STK10: variants seen among roughly 807,000 people sequenced by gnomAD.
The protein encoded by STK10 is serine/threonine-protein kinase 10.
STK10 carries 78 observed loss-of-function variants against 113.8 expected under a neutral mutation model. The observed-to-expected ratio is 0.69, with a 90% CI of 0.57 to 0.83. The LOEUF is 0.83. Among genes scored for constraint, STK10 ranks in the 40% least tolerant of loss-of-function variants. The pLI, the probability that STK10 is intolerant of heterozygous loss-of-function variation, is 0.00. For missense variants in STK10, 1,109 were observed against 1,280.1 expected (o/e 0.87, Z 2.04); for synonymous variants, 465 against 494.7 (o/e 0.94, Z 0.80).
At chr5:172,060,071 G>GGGT (rs1185153838) in intron 14 of STK10, among the ~76,000 whole-genome samples, 1 of 152,168 alleles carries the variant, frequency 6.6e-6, no homozygotes, top group Non-Finnish European at 1.5e-5. Flanking sequence ...TAGGTCATGA[G>GGGT]GGTGGAGCCC....
chr5:172,091,970 A>G (rs1403275047), intron 9 of STK10, among the ~76,000 whole-genome samples: 1 of 151,796 alleles, frequency 6.6e-6, no homozygotes, highest in African/African-American at 2.4e-5. Flanking sequence ...TGCTGAGTCG[A>G]GAGGGGCAGA....
chr5:172,124,846 T>C (rs1300247084), intron 3 of STK10, among the ~76,000 whole-genome samples: 1 of 152,120 alleles, frequency 6.6e-6, no homozygotes, highest in Non-Finnish European at 1.5e-5. Context: ...GGTCATATGT[T>C]AAATTTGAAA....
Position 172,106,658 on chromosome 5 carries a change from G to A in STK10, c.750C>T (p.Ala250=), listed in dbSNP as rs778467583. Residue 250 remains alanine (A), a synonymous_variant, in exon 6 of 19, where the codon GCC becomes GCT. Transcript: ENST00000176763. The part of the protein sequence containing the change: ...LNPMRVLLKI[A]KSDPPTLLTP... ...TGAGCAGCGTGGGAGGGTCCGACTT[G>A]GCGATCTTTAGCAGGACCCGCATGG... is the stretch of plus-strand genomic sequence containing the variant. 1.8e-5 allele frequency: 29 copies of A among 1,613,406 alleles called. No individual in the cohort carries two copies. Among genetic ancestry groups the A allele is most frequent in the Non-Finnish European group, 8.5e-7 (1 of 1,180,014 alleles).
chr5:172,059,162 T>C (rs1767875552), intron 14 of STK10, among the ~76,000 whole-genome samples: 1 of 152,122 alleles, frequency 6.6e-6, no homozygotes, highest in East Asian at 1.9e-4. Context: ...GGCTCACACC[T>C]GTAATCCCAG....
chr5:172,173,219 AAAG>A (rs1181847952), intron 1 of STK10, among the ~76,000 whole-genome samples: 1 of 152,100 alleles, frequency 6.6e-6, no homozygotes, highest in Admixed American at 6.5e-5. Flanking sequence ...GGGCCCCCAA[AAAG>A]AAGGGGTCTT....
Position 172,087,626 on chromosome 5 carries a change from T to A in STK10, c.1685+2606A>T, listed in dbSNP as rs1329714989. 1.5e-4 allele frequency among the ~76,000 whole-genome samples: 15 copies of A among 99,358 alleles called. 1 individual carries two copies. The East Asian group carries it at 1.6e-3, about 11-fold the overall frequency. The allele number at this position is 99,358 out of a possible 152,430, so 65.2% of individuals were successfully genotyped here. Reference sequence around the variant, plus strand: ...TTTTAAATTTATTTACTTATTTATTTTTTTTTTTTTTTTGAGACGGAGTCT... The same window carrying A: ...TTTTAAATTTATTTACTTATTTATTATTTTTTTTTTTTTGAGACGGAGTCT... On this transcript the variant is annotated intron_variant, in intron 10 of 18. Coordinates refer to ENST00000176763, the MANE Select transcript of STK10 (RefSeq NM_005990.4).
In STK10 at chr5:172,149,996, G is replaced by A. The variant is rs140721210; in HGVS notation, c.321+6628C>T. ...CAGGAGGCAGAGGTTGCAGGGAGCCGAGATCGCGCCATTGCAGTCCAGCCT... is the reference window on the plus strand; with the variant it reads ...CAGGAGGCAGAGGTTGCAGGGAGCCAAGATCGCGCCATTGCAGTCCAGCCT... On this transcript the variant is annotated intron_variant, in intron 2 of 18. Transcript: ENST00000176763. 5.5e-4 allele frequency among the ~76,000 whole-genome samples: 78 copies of A among 141,696 alleles called. 1 individual carries two copies. Among genetic ancestry groups the A allele is most frequent in the Admixed American group, 4.2e-3 (57 of 13,698 alleles). The allele number at this position is 141,696 out of a possible 152,430, so 93.0% of individuals were successfully genotyped here. A position where few individuals can be genotyped will look rare whatever the true frequency, so the allele number is the denominator to read the frequency against.
Position 172,188,057 on chromosome 5 carries a change from T to G in STK10, c.-15A>C, listed in dbSNP as rs1335181635. ...GCAAAAGCCATGGCCGGGGGCGCGG[T>G]GGCGCCGGCTCGGGCTCGGGCTCGG... On this transcript the variant is annotated 5_prime_UTR_variant, in exon 1 of 19. Coordinates refer to ENST00000176763, the MANE Select transcript of STK10 (RefSeq NM_005990.4). This position sits in a 1 kb window ranked among gnomAD's most constrained non-coding sequence, Gnocchi z 5.6. 1 of 1,609,072 alleles carries G rather than the reference T, an allele frequency of 6.2e-7. No homozygotes were observed. Among genetic ancestry groups the G allele is most frequent in the African/African-American group, 1.3e-5 (1 of 74,780 alleles).
At chr5:172,117,725 C>A in intron 3 of STK10, 95 bp from the exon 4 acceptor site, 1 of 1,535,016 alleles carries the variant, frequency 6.5e-7, no homozygotes, top group Non-Finnish European at 8.8e-7. Flanking sequence ...TAAAAGCCAC[C>A]AACATTAGGC....
intron 12 of STK10, among the ~76,000 whole-genome samples, chr5:172,080,591 A>G (rs921910928): frequency 6.6e-6 from 1 of 152,272 alleles, no homozygotes; most frequent in African/African-American, 2.4e-5. Flanking sequence ...GTCTGGGTAG[A>G]AGATCAAACC....
intron 7 of STK10, among the ~76,000 whole-genome samples, chr5:172,100,505 G>A (rs1768963459): frequency 6.6e-6 from 1 of 152,166 alleles, no homozygotes; most frequent in African/African-American, 2.4e-5. Context: ...ACGCCAAAAA[G>A]GCCAGGCATG....
chr5:172,098,676 GGCAA>G (rs1561806557), intron 7 of STK10, among the ~76,000 whole-genome samples: 1 of 152,168 alleles, frequency 6.6e-6, no homozygotes, highest in Non-Finnish European at 1.5e-5. Flanking sequence ...AATCATAGGA[GGCAA>G]AGTAGCATGC....
At chr5:172,077,508 TAC>T (rs1052590490) in intron 12 of STK10, among the ~76,000 whole-genome samples, 2 of 152,216 alleles carry the variant, frequency 1.3e-5, no homozygotes, top group Non-Finnish European at 2.9e-5. Context: ...AGTCCCTTCT[TAC>T]AGAGTTGTGA....
At chr5:172,159,357 A>G (rs964341055) in intron 1 of STK10, among the ~76,000 whole-genome samples, 3 of 152,068 alleles carry the variant, frequency 2.0e-5, no homozygotes, top group African/African-American at 4.8e-5. Flanking sequence ...CAGGCAACAG[A>G]GCGAAATCCC....
At position 172,145,219 on chromosome 5, in the gene STK10, G is replaced by C. The variant is rs1212653457; in HGVS notation, c.321+11405C>G. ...TAAAGCCAGCTCTGCTAAGGACAGT[G>C]CTGGACACAAAGGGGAAGGAGCCAG... On this transcript the variant is annotated intron_variant, in intron 2 of 18. Coordinates refer to ENST00000176763, the MANE Select transcript of STK10 (RefSeq NM_005990.4). Among the ~76,000 whole-genome samples, 3 of 152,204 alleles carry C rather than the reference G, an allele frequency of 2.0e-5. 1 individual carries two copies. Among genetic ancestry groups the C allele is most frequent in the African/African-American group, 7.2e-5 (3 of 41,458 alleles).
At chr5:172,115,486 C>T (rs1029677649) in intron 4 of STK10, among the ~76,000 whole-genome samples, 3 of 152,102 alleles carry the variant, frequency 2.0e-5, no homozygotes, top group African/African-American at 7.2e-5. Flanking sequence ...GTCCTGGCAG[C>T]GTTTATGTTC....
At chr5:172,074,342 A>G (rs1210637670) in intron 12 of STK10, among the ~76,000 whole-genome samples, 1 of 152,232 alleles carries the variant, frequency 6.6e-6, no homozygotes, top group Non-Finnish European at 1.5e-5. Context: ...TGAAGGACAG[A>G]CAAATAGATC....
rs770211295 is a variant in STK10 at position 172,093,601 on chromosome 5, G to T, written c.1365C>A (p.Ser455Arg). The change falls in exon 9 of 19, where the codon AGC becomes AGA. Residue 455 changes from serine (S) to arginine (R), a missense_variant. Transcript: ENST00000176763. This position sits in a 1 kb window ranked among gnomAD's most constrained non-coding sequence, Gnocchi z 4.1. Reference protein sequence around the residue: ...QKASQSRPNSSALETLGGEKL... With the variant: ...QKASQSRPNSRALETLGGEKL... The stretch of plus-strand genomic sequence containing the variant: ...TCTCCCCACCCAAGGTCTCCAGGGC[G>T]CTGCTGTTGGGCCGGCTCTGGCTGG... 12 of 1,614,114 alleles carry T rather than the reference G, an allele frequency of 7.4e-6. 1 individual carries two copies. In the South Asian group the frequency reaches 1.2e-4, roughly 16 times the overall value.
In STK10 at chr5:172,127,420, A is replaced by T; in HGVS notation, c.323T>A (p.Ile108Asn). 6.2e-7 allele frequency: 1 copy of T among 1,613,680 alleles called. No homozygotes were observed. Among genetic ancestry groups the T allele is most frequent in the Non-Finnish European group, 8.5e-7 (1 of 1,179,746 alleles). The change falls in exon 3 of 19, where the codon ATC becomes AAC. Residue 108 changes from isoleucine to asparagine, a missense_variant and splice_region_variant. By Grantham distance (149) the Ile-to-Asn change is moderately radical. Coordinates refer to ENST00000176763, the MANE Select transcript of STK10 (RefSeq NM_005990.4). ...TCCCCCTGGACAGAACTCAATCATG[A>T]TCTGCAGAAAACACAGGGCAAAGTG... ...GAYYHDGKLW[I>N]MIEFCPGGAV...
Sources: allele counts gnomAD v4.1 joint callset (sites outside exome capture counted in the v4.1 genomes callset), GRCh38; gene constraint gnomAD v4.1.1; non-coding constraint Gnocchi (gnomAD v3.1); transcripts MANE v1.5; gene names NCBI Gene and HGNC (gene_info 2026-07-23, HGNC 2026-07-21).